The following SYTL4 variants were observed in gnomAD, a reference collection of about 807,000 sequenced individuals.
SYTL4 encodes synaptotagmin like 4, also known as synaptotagmin-like protein 4.
In SYTL4, 16 loss-of-function variants were observed where a neutral mutation model predicts 52.7. The ratio of observed to expected loss-of-function variants is 0.30; its 90% CI spans 0.21 to 0.46. The LOEUF (loss-of-function observed/expected upper bound fraction) is 0.46, where lower values mean the gene tolerates loss of function less well. Among genes scored for constraint, SYTL4 ranks in the 20% least tolerant of loss-of-function variants. The pLI, the probability that SYTL4 is intolerant of heterozygous loss-of-function variation, is 1.00. For missense variants in SYTL4, 423 were observed against 519.9 expected, an observed-to-expected ratio of 0.81 and a Z score of 1.81; for synonymous variants, 160 against 186.6, an observed-to-expected ratio of 0.86 and a Z score of 1.16.
chrX:100,687,002 C>T, intron 14 of SYTL4, 65 bp downstream of exon 14: 1 of 1,124,324 alleles, frequency 8.9e-7, no homozygotes, highest in Non-Finnish European at 1.2e-6. Context: ...TTCAAGAGTG[C>T]CCGGACAGAT....
At chrX:100,730,191 C>A (rs985770793) in intron 2 of SYTL4, among the ~76,000 whole-genome samples, 1 of 111,513 alleles carries the variant, frequency 9.0e-6, no homozygotes, top group African/African-American at 3.3e-5. Flanking sequence ...TTTCATTCAT[C>A]TAATTACACT....
intron 7 of SYTL4, 47 bp from the exon 8 acceptor site, chrX:100,701,046 GA>G: frequency 1.9e-6 from 2 of 1,048,382 alleles, no homozygotes; most frequent in African/African-American, 1.8e-5. Flanking sequence ...ATGAGTAGGG[GA>G]AAAAGGAAAC....
chrX:100,676,802 G>A (rs1569368853), intron 19 of SYTL4, among the ~76,000 whole-genome samples: 3 of 111,386 alleles, frequency 2.7e-5, no homozygotes, highest in African/African-American at 6.5e-5. Context: ...TTCTTTTAAA[G>A]CTAAACACCT....
At chrX:100,725,583 T>A (rs1378819807) in intron 2 of SYTL4, among the ~76,000 whole-genome samples, 2 of 112,540 alleles carry the variant, frequency 1.8e-5, no homozygotes, top group Non-Finnish European at 3.8e-5. Context: ...CTAAGAAAAC[T>A]GAACTTCACA....
intron 8 of SYTL4, 127 bp downstream of exon 8, chrX:100,700,770 T>C: frequency 1.9e-6 from 1 of 532,518 alleles, no homozygotes. Context: ...CCTTTACTAT[T>C]TTCTGTACTT....
chrX:100,707,096 G>A (rs1359914341), intron 2 of SYTL4, among the ~76,000 whole-genome samples: 1 of 111,236 alleles, frequency 9.0e-6, no homozygotes, highest in Non-Finnish European at 1.9e-5. Flanking sequence ...ACAACAAAAT[G>A]AGCTTGATTT....
In SYTL4 at chrX:100,701,514, G is replaced by A. The variant is rs776892180; in HGVS notation, c.270C>T (p.Asp90=). ...CRGCNHLVCR[D]CRIQESNGTW... is the part of the protein sequence containing the mutation. ...TACCATTGCTTTCCTGTATGCGGCA[G>A]TCCCGACACACCAGGTGATTACAAC... The change falls in exon 6 of 20, where the codon GAC becomes GAT. Residue 90 remains aspartate (D), a synonymous_variant. Transcript: ENST00000372989. 2 of 1,211,692 alleles carry A rather than the reference G, an allele frequency of 1.7e-6. No homozygotes were observed. The highest frequency in any genetic ancestry group is 2.2e-6 in the Non-Finnish European group (2 of 895,474).
rs190605731 is a variant in SYTL4 at position 100,716,387 on chromosome X, T to C, written c.-239-11501A>G. 2.2e-3 allele frequency among the ~76,000 whole-genome samples: 197 copies of C among 90,113 alleles called. 2 individuals carry two copies. The highest frequency in any genetic ancestry group is 8.3e-4 in the Non-Finnish European group (40 of 47,911). 78.3% of individuals were successfully genotyped at this position (90,113 alleles called of 115,157 possible). ...ATCACGTGAACCTGAGAGGCAGAGG[T>C]TGCGGTGAGCTGAGATCACACCACT... On this transcript the variant is annotated intron_variant, in intron 2 of 19. Transcript: ENST00000372989.
rs758900268 is a variant in SYTL4, at chrX:100,691,149, C to A, written c.600G>T (p.Glu200Asp). The change falls in exon 9 of 20, where the codon GAG becomes GAT. Residue 200 changes from glutamate to aspartate, a missense_variant. Coordinates refer to ENST00000372989, the MANE Select transcript of SYTL4 (RefSeq NM_001370165.1). The stretch of plus-strand genomic sequence containing the variant: ...AGTCAGCTGTGAAGCTATCCAGACT[C>A]TCACTCTCAGCTTCCAATGCACTCT... ...SGKSALEAES[E>D]SLDSFTADSD... The A allele has an allele frequency of 8.3e-7, 1 of 1,209,183 alleles. No homozygotes were observed. The highest frequency in any genetic ancestry group is 2.2e-5 in the Admixed American group (1 of 45,899).
intron 8 of SYTL4, among the ~76,000 whole-genome samples, chrX:100,693,832 A>C (rs1348649182): frequency 8.9e-6 from 1 of 112,987 alleles, no homozygotes; most frequent in Non-Finnish European, 1.9e-5. Flanking sequence ...TGGTATATTC[A>C]TATAATGGAT....
chrX:100,715,997 G>C (rs1429644096), intron 2 of SYTL4, among the ~76,000 whole-genome samples: 2 of 105,720 alleles, frequency 1.9e-5, no homozygotes, highest in Admixed American at 2.0e-4. Flanking sequence ...TGTGACAAAG[G>C]CAATGACAGC....
At chrX:100,698,842 A>G (rs1344119564) in intron 8 of SYTL4, among the ~76,000 whole-genome samples, 1 of 112,370 alleles carries the variant, frequency 8.9e-6, no homozygotes, top group Non-Finnish European at 1.9e-5. Flanking sequence ...AAACAAACAG[A>G]TAAAACAAAC....
At chrX:100,706,946 C>T (rs2083968386) in intron 2 of SYTL4, among the ~76,000 whole-genome samples, 1 of 111,394 alleles carries the variant, frequency 9.0e-6, no homozygotes, top group African/African-American at 3.3e-5. Flanking sequence ...ACTAATAAAA[C>T]ATCACTAAAT....
chrX:100,711,529 C>T (rs185224564), intron 2 of SYTL4, among the ~76,000 whole-genome samples: 1 of 111,380 alleles, frequency 9.0e-6, no homozygotes, highest in East Asian at 2.8e-4. Flanking sequence ...AAAACACACT[C>T]GTTGGGATTA....
intron 9 of SYTL4, 82 bp from the exon 10 acceptor site, chrX:100,690,720 G>C (rs2083579467): frequency 2.7e-6 from 2 of 741,617 alleles, no homozygotes; most frequent in South Asian, 2.8e-5. Flanking sequence ...TATGGAAGGA[G>C]AGCCAATGGC....
intron 2 of SYTL4, among the ~76,000 whole-genome samples, chrX:100,722,936 C>T (rs1222359724): frequency 9.0e-6 from 1 of 111,409 alleles, no homozygotes; most frequent in Non-Finnish European, 1.9e-5. Flanking sequence ...TCTTTAGTAC[C>T]ACTGACCATA....
At chrX:100,682,442 C>T (rs896538198) in intron 16 of SYTL4, among the ~76,000 whole-genome samples, 3 of 109,845 alleles carry the variant, frequency 2.7e-5, no homozygotes, top group Non-Finnish European at 5.7e-5. Context: ...GGTGCAGTGG[C>T]TCACATTTGT....
chrX:100,684,286 C>T (rs1303307717), intron 16 of SYTL4, among the ~76,000 whole-genome samples: 9 of 96,036 alleles, frequency 9.4e-5, no homozygotes, highest in African/African-American at 3.0e-4. Context: ...TTAATGTTGT[C>T]ACTATTTTTT....
chrX:100,712,254 A>G (rs2084087742), intron 2 of SYTL4, among the ~76,000 whole-genome samples: 2 of 112,276 alleles, frequency 1.8e-5, no homozygotes, highest in South Asian at 7.4e-4. Context: ...CTTTTTTCTT[A>G]TTATTTAAAT....
Sources: allele counts gnomAD v4.1 joint callset (sites outside exome capture counted in the v4.1 genomes callset), GRCh38; gene constraint gnomAD v4.1.1; transcripts MANE v1.5; gene names NCBI Gene and HGNC (gene_info 2026-07-23, HGNC 2026-07-21).